The following CCDC15 variants were observed in gnomAD, a reference collection of about 807,000 sequenced individuals.
The protein encoded by CCDC15 is coiled-coil domain containing 15.
In CCDC15, 105 loss-of-function variants were observed where a neutral mutation model predicts 114.5. That is an observed-to-expected ratio of 0.92 (90% CI 0.78 to 1.08). CCDC15 has a LOEUF of 1.08. CCDC15 is among the 50% of genes least tolerant of loss of function. CCDC15 has a pLI of 0.00. For synonymous variants in CCDC15, 334 were observed against 377.8 expected (o/e 0.88, Z 1.34); for missense variants, 1,105 against 1,093.6 (o/e 1.01, Z -0.15).
intron 2 of CCDC15, among the ~76,000 whole-genome samples, chr11:124,955,394 A>G (rs1056518577): frequency 7.9e-5 from 12 of 152,244 alleles, no homozygotes; most frequent in African/African-American, 2.7e-4. Flanking sequence ...TGATAATCTG[A>G]GAAAGTCTAA....
chr11:124,985,563 A>G (rs1056536057), intron 6 of CCDC15, among the ~76,000 whole-genome samples: 4 of 152,040 alleles, frequency 2.6e-5, no homozygotes, highest in African/African-American at 9.7e-5. Context: ...GATTTGTAGT[A>G]TATTTTCCTG....
At chr11:125,033,136 T>C (rs1948752432) in intron 13 of CCDC15, among the ~76,000 whole-genome samples, 1 of 152,308 alleles carries the variant, frequency 6.6e-6, no homozygotes, top group South Asian at 2.1e-4. Flanking sequence ...TGGATATTGA[T>C]TGAGGGGCCA....
At chr11:124,966,114 T>G (rs767284420) in intron 4 of CCDC15, among the ~76,000 whole-genome samples, 17 of 152,204 alleles carry the variant, frequency 1.1e-4, no homozygotes, top group Non-Finnish European at 2.4e-4. Context: ...GAATGTATAT[T>G]CTGTTGATTT....
chr11:125,004,692 C>T (rs532564962), intron 12 of CCDC15, among the ~76,000 whole-genome samples: 3 of 152,112 alleles, frequency 2.0e-5, no homozygotes, highest in Non-Finnish European at 2.9e-5. Context: ...TACCCTCCTC[C>T]GTGCCATGTT....
chr11:124,963,880 C>A (rs1947718820), intron 4 of CCDC15, among the ~76,000 whole-genome samples: 1 of 152,214 alleles, frequency 6.6e-6, no homozygotes, highest in African/African-American at 2.4e-5. Flanking sequence ...GTTTTCCCAG[C>A]ACCATTTATT....
intron 13 of CCDC15, among the ~76,000 whole-genome samples, chr11:125,013,670 G>A (rs151171764): frequency 3.4e-4 from 52 of 152,208 alleles, no homozygotes; most frequent in South Asian, 1.5e-3. Context: ...TACCATTAAC[G>A]TATATAGGGA....
chr11:125,036,900 G>A (rs1009055583), intron 13 of CCDC15, among the ~76,000 whole-genome samples: 1 of 151,968 alleles, frequency 6.6e-6, no homozygotes, highest in Admixed American at 6.6e-5. Context: ...ATTTCTTTGA[G>A]TTTCCTCAAA....
At chr11:125,027,726 T>C (rs1948713640) in intron 13 of CCDC15, among the ~76,000 whole-genome samples, 2 of 152,302 alleles carry the variant, frequency 1.3e-5, no homozygotes, top group South Asian at 4.1e-4. Context: ...GTGTAGAATC[T>C]TTTTAGTTTA....
In CCDC15 at chr11:124,986,903, GA is replaced by G; in HGVS notation, c.900+18del. Reference sequence around the variant, plus strand: ...GCAGAGTTCAGGTAAAGCAATAAGAGAAATTAAATTAATTGTGATTTGGACT... The same window carrying G: ...GCAGAGTTCAGGTAAAGCAATAAGAGAATTAAATTAATTGTGATTTGGACT... On this transcript the variant is annotated intron_variant, in intron 7 of 15. Transcript: ENST00000344762. 6.5e-7 allele frequency: 1 copy of G among 1,527,878 alleles called. No homozygotes were observed. 94.6% of individuals were successfully genotyped at this position (1,527,878 alleles called of 1,614,324 possible). A position where few individuals can be genotyped will look rare whatever the true frequency, so the allele number is the denominator to read the frequency against.
In CCDC15 at chr11:125,019,200, A is replaced by AT. The variant is rs1273589848; in HGVS notation, c.2411+13994dup. Among the ~76,000 whole-genome samples, 4 of 151,926 alleles carry AT rather than the reference A, an allele frequency of 2.6e-5. No homozygotes were observed. In the East Asian group the frequency reaches 7.7e-4, roughly 29 times the overall value. On this transcript the variant is annotated intron_variant, in intron 13 of 15. Transcript: ENST00000344762. ...TATAGAGAGAAGAGAGGTGAAATTA[A>AT]TTTTTTAAAAGATCGTTATATATTA...
At chr11:125,000,580 T>A (rs899198464) in intron 11 of CCDC15, among the ~76,000 whole-genome samples, 1 of 152,244 alleles carries the variant, frequency 6.6e-6, no homozygotes, top group East Asian at 1.9e-4. Flanking sequence ...GAGTCCAGTT[T>A]TCTTTATTGA....
At position 125,006,513 on chromosome 11, in the gene CCDC15, A is replaced by G. The variant is rs556016412; in HGVS notation, c.2411+1301A>G. Reference sequence around the variant, plus strand: ...CATCTGTTGACAGTATCTTTTGCAGAGCAAAATGAAGTCTGCCTAATCAGT... The same window carrying G: ...CATCTGTTGACAGTATCTTTTGCAGGGCAAAATGAAGTCTGCCTAATCAGT... On this transcript the variant is annotated intron_variant, in intron 13 of 15. Transcript: ENST00000344762. 8.5e-5 allele frequency among the ~76,000 whole-genome samples: 13 copies of G among 152,278 alleles called. 1 individual carries two copies. In the South Asian group the frequency reaches 2.5e-3, roughly 29 times the overall value.
At chr11:124,984,640 G>A (rs1212174844) in intron 6 of CCDC15, among the ~76,000 whole-genome samples, 2 of 152,164 alleles carry the variant, frequency 1.3e-5, no homozygotes, top group African/African-American at 4.8e-5. Context: ...CCCTGCCAGC[G>A]CAAGTGTCAG....
chr11:125,007,946 T>C (rs1439497578), intron 13 of CCDC15, among the ~76,000 whole-genome samples: 1 of 152,226 alleles, frequency 6.6e-6, no homozygotes, highest in Non-Finnish European at 1.5e-5. Context: ...TGTAGCTTTA[T>C]AATAAGTCTT....
intron 13 of CCDC15, among the ~76,000 whole-genome samples, chr11:125,023,621 T>C (rs1323891835): frequency 1.3e-5 from 2 of 151,994 alleles, no homozygotes; most frequent in Non-Finnish European, 2.9e-5. Context: ...TTGGCTATAA[T>C]TTAAAAAACG....
chr11:124,985,061 A>T (rs988701288), intron 6 of CCDC15, among the ~76,000 whole-genome samples: 13 of 152,314 alleles, frequency 8.5e-5, no homozygotes, highest in African/African-American at 2.9e-4. Flanking sequence ...TTGTCTGTAT[A>T]GGTTTACCTA....
At chr11:125,028,229 C>T (rs961909506) in intron 13 of CCDC15, among the ~76,000 whole-genome samples, 3 of 152,030 alleles carry the variant, frequency 2.0e-5, no homozygotes, top group African/African-American at 7.2e-5. Context: ...CTTAGTATTG[C>T]TTTGGCTATG....
At chr11:124,966,077 G>A (rs1433306833) in intron 4 of CCDC15, among the ~76,000 whole-genome samples, 1 of 152,078 alleles carries the variant, frequency 6.6e-6, no homozygotes, top group Non-Finnish European at 1.5e-5. Context: ...GGTCAATTTT[G>A]GAATAAGTGC....
chr11:124,979,097 G>A (rs1805201876), intron 6 of CCDC15, among the ~76,000 whole-genome samples: 1 of 152,134 alleles, frequency 6.6e-6, no homozygotes, highest in African/African-American at 2.4e-5. Flanking sequence ...CTGATGATCA[G>A]ATTGTTGTAG....
Sources: allele counts gnomAD v4.1 joint callset (sites outside exome capture counted in the v4.1 genomes callset), GRCh38; gene constraint gnomAD v4.1.1; transcripts MANE v1.5; gene names NCBI Gene and HGNC (gene_info 2026-07-23, HGNC 2026-07-21).